The following CRACD variants were observed in gnomAD, a reference collection of about 807,000 sequenced individuals.
CRACD encodes capping protein-inhibiting regulator of actin dynamics.
A neutral mutation model predicts 106.8 loss-of-function variants in CRACD; 56 were observed. The ratio of observed to expected loss-of-function variants is 0.52; its 90% confidence interval spans 0.42 to 0.66. The LOEUF is 0.66. Among genes scored for constraint, CRACD ranks in the 30% least tolerant of loss-of-function variants. The pLI is 0.00. For missense variants in CRACD, 1,730 were observed against 1,623.2 expected, an observed-to-expected ratio of 1.07 and a Z score of -1.13; for synonymous variants, 754 against 670.8, an observed-to-expected ratio of 1.12 and a Z score of -1.92.
At chr4:56,305,199 C>T (rs74575126) in intron 4 of CRACD, among the ~76,000 whole-genome samples, 3,832 of 152,236 alleles carry the variant, frequency 0.025, 154 homozygotes, top group African/African-American at 0.087. Flanking sequence ...CTAGCCTGTG[C>T]GACAGAAAGA....
chr4:56,147,590 AGCAT>A (rs1735433764), intron 1 of CRACD, among the ~76,000 whole-genome samples: 1 of 152,222 alleles, frequency 6.6e-6, no homozygotes, highest in Non-Finnish European at 1.5e-5. Flanking sequence ...TCAGTGTTGT[AGCAT>A]GAGTATTTGT....
intron 1 of CRACD, among the ~76,000 whole-genome samples, chr4:56,164,366 C>G (rs1397093928): frequency 6.6e-6 from 1 of 152,002 alleles, no homozygotes; most frequent in Non-Finnish European, 1.5e-5. Context: ...AATCTCCTGA[C>G]CTCGTGATCC....
chr4:56,249,460 A>T (rs964749915), intron 2 of CRACD, among the ~76,000 whole-genome samples: 19 of 150,940 alleles, frequency 1.3e-4, no homozygotes, highest in African/African-American at 4.4e-4. Context: ...AGTTCATTGT[A>T]GATTCTGGAT....
intron 1 of CRACD, among the ~76,000 whole-genome samples, chr4:56,059,030 T>G (rs774239107): frequency 6.6e-6 from 1 of 152,248 alleles, no homozygotes; most frequent in Non-Finnish European, 1.5e-5. Context: ...TTTTGTCTGT[T>G]ACAAACAACC....
At chr4:56,207,745 CAT>C (rs58423475) in intron 2 of CRACD, among the ~76,000 whole-genome samples, 11,128 of 105,776 alleles carry the variant, frequency 0.11, 511 homozygotes, top group African/African-American at 0.15. Flanking sequence ...CTTGTTTTCT[CAT>C]ATATATATAT....
intron 2 of CRACD, among the ~76,000 whole-genome samples, chr4:56,265,403 G>GTGTGTGTGT (rs1741951358): frequency 2.6e-5 from 2 of 77,354 alleles, no homozygotes; most frequent in East Asian, 1.5e-3. Flanking sequence ...ATAGAGGAGG[G>GTGTGTGTGT]GTGTGTGTGT....
intron 2 of CRACD, among the ~76,000 whole-genome samples, chr4:56,266,932 A>G (rs1310713646): frequency 2.0e-5 from 3 of 152,198 alleles, no homozygotes; most frequent in Non-Finnish European, 2.9e-5. Flanking sequence ...GGGGAATCAA[A>G]TAAGAGTATA....
chr4:56,217,575 C>G (rs552096081), intron 2 of CRACD, among the ~76,000 whole-genome samples: 3 of 152,204 alleles, frequency 2.0e-5, no homozygotes, highest in South Asian at 4.2e-4. Flanking sequence ...GACCAAAGTT[C>G]TTCTTATGCA....
At chr4:56,319,962 A>G (rs1745962323) in intron 8 of CRACD, among the ~76,000 whole-genome samples, 1 of 152,032 alleles carries the variant, frequency 6.6e-6, no homozygotes, top group South Asian at 2.1e-4. Flanking sequence ...CACTTGAGGC[A>G]AGGAGTTCAA....
At chr4:56,257,207 A>G (rs897932259) in intron 2 of CRACD, among the ~76,000 whole-genome samples, 4 of 149,990 alleles carry the variant, frequency 2.7e-5, no homozygotes, top group Admixed American at 6.7e-5. Context: ...TCAGCCTCCC[A>G]AGTAGCTGGG....
At chr4:56,058,664 C>A (rs1278629028) in intron 1 of CRACD, among the ~76,000 whole-genome samples, 1 of 152,178 alleles carries the variant, frequency 6.6e-6, no homozygotes, top group Non-Finnish European at 1.5e-5. Flanking sequence ...ACTTCATGAT[C>A]AAAATTTTTT....
chr4:56,190,079 T>C (rs1333970917), intron 2 of CRACD, among the ~76,000 whole-genome samples: 2 of 150,812 alleles, frequency 1.3e-5, no homozygotes, highest in Non-Finnish European at 3.0e-5. Flanking sequence ...GTTTGGTTTT[T>C]TGTTCTTGCG....
chr4:56,113,539 A>G (rs1734186997), intron 1 of CRACD, among the ~76,000 whole-genome samples: 1 of 138,852 alleles, frequency 7.2e-6, no homozygotes, highest in Non-Finnish European at 1.5e-5. Flanking sequence ...TTGAAAAATG[A>G]TATTTTAAAT....
intron 2 of CRACD, among the ~76,000 whole-genome samples, chr4:56,267,476 A>G (rs1366884210): frequency 6.6e-6 from 1 of 152,132 alleles, no homozygotes; most frequent in African/African-American, 2.4e-5. Flanking sequence ...CTGATTTTGG[A>G]AATGAGGAAG....
rs754576633 is a variant in CRACD, at chr4:56,315,573, T to A, written c.2071T>A (p.Leu691Met). The A allele has an allele frequency of 6.2e-7, 1 of 1,613,904 alleles. No individual in the cohort carries two copies. Among genetic ancestry groups the A allele is most frequent in the Non-Finnish European group, 8.5e-7 (1 of 1,179,996 alleles). Residue 691 changes from leucine to methionine, a missense_variant, in exon 8 of 11, where the codon TTG becomes ATG. By Grantham distance (15) the Leu-to-Met change is conservative. This residue lies in a region of CRACD where 1,620 missense variants were observed against 1,481.6 expected (regional missense o/e 1.09). Transcript: ENST00000682029. The surrounding 1 kb of genome is among the most constrained non-coding windows in gnomAD (Gnocchi z 4.1). ...CCCGCGCAGCAGCGAGAGGGACCAGTTGAGGCCCGGTGATGAGTCCACTCC... is the reference window on the plus strand; with the variant it reads ...CCCGCGCAGCAGCGAGAGGGACCAGATGAGGCCCGGTGATGAGTCCACTCC... ...SDPRSSERDQLRPGDESTPRG... is the reference protein window; with the variant it reads ...SDPRSSERDQMRPGDESTPRG...
chr4:56,276,300 A>G (rs1742670406), intron 3 of CRACD, among the ~76,000 whole-genome samples: 1 of 152,160 alleles, frequency 6.6e-6, no homozygotes. Flanking sequence ...AGGTTTGGGG[A>G]ATTCTGAACA....
At chr4:56,060,766 G>C (rs1033895077) in intron 1 of CRACD, among the ~76,000 whole-genome samples, 2 of 152,130 alleles carry the variant, frequency 1.3e-5, no homozygotes, top group East Asian at 3.9e-4. Flanking sequence ...TATAATGGTC[G>C]TGAGGGTGGA....
chr4:56,194,340 G>T (rs1028837295), intron 2 of CRACD, among the ~76,000 whole-genome samples: 2 of 152,158 alleles, frequency 1.3e-5, no homozygotes, highest in Non-Finnish European at 2.9e-5. Context: ...AGGGTGATGG[G>T]ATTTAAGTGA....
At chr4:56,298,463 C>T (rs1459465017) in intron 4 of CRACD, 114 bp downstream of exon 4, 2 of 1,252,382 alleles carry the variant, frequency 1.6e-6, no homozygotes, top group Non-Finnish European at 2.2e-6. Flanking sequence ...CCAGAGGTCA[C>T]TCCTGGTGAG....
Sources: allele counts gnomAD v4.1 joint callset (sites outside exome capture counted in the v4.1 genomes callset), GRCh38; gene constraint gnomAD v4.1.1; regional missense constraint gnomAD v4.1.1; non-coding constraint Gnocchi (gnomAD v3.1); transcripts MANE v1.5; gene names NCBI Gene and HGNC (gene_info 2026-07-23, HGNC 2026-07-21).